The following CCDC50 variants were observed in gnomAD, a reference collection of about 807,000 sequenced individuals.
The protein encoded by CCDC50 is coiled-coil domain-containing protein 50.
CCDC50 carries 54 observed loss-of-function variants against 70.2 expected under a neutral mutation model. The ratio of observed to expected loss-of-function variants is 0.77; its 90% CI spans 0.62 to 0.96. The LOEUF (loss-of-function observed/expected upper bound fraction) is 0.96. Ranked by LOEUF, CCDC50 falls within the 50% of genes least tolerant of loss-of-function variation. The pLI, the probability that CCDC50 is intolerant of heterozygous loss-of-function variation, is 0.00. For synonymous variants in CCDC50, 216 were observed against 198.8 expected (o/e 1.09, Z -0.73); for missense variants, 558 against 578.7 (o/e 0.96, Z 0.37).
intron 6 of CCDC50, among the ~76,000 whole-genome samples, chr3:191,378,542 A>G (rs961590043): frequency 2.1e-5 from 2 of 96,322 alleles, no homozygotes; most frequent in African/African-American, 7.1e-5. Context: ...TTATTGAAGT[A>G]TCATTTTTTC....
chr3:191,367,756 T>C (rs1284145277), intron 4 of CCDC50, among the ~76,000 whole-genome samples: 1 of 152,156 alleles, frequency 6.6e-6, no homozygotes, highest in Non-Finnish European at 1.5e-5. Context: ...GGGGAAATAT[T>C]TGTTTACTGT....
chr3:191,391,711 T>C (rs1440304244), intron 11 of CCDC50, 30 bp from the exon 12 acceptor site: 1 of 1,609,628 alleles, frequency 6.2e-7, no homozygotes. Context: ...TTTTCCTTAA[T>C]TGTGTTTCCT....
intron 9 of CCDC50, among the ~76,000 whole-genome samples, chr3:191,381,764 A>C (rs189631083): frequency 6.6e-6 from 1 of 152,104 alleles, no homozygotes; most frequent in Admixed American, 6.6e-5. Flanking sequence ...GCCCAGAAGA[A>C]TGAAACCTAG....
At chr3:191,360,756 GC>G (rs1412722342) in intron 3 of CCDC50, among the ~76,000 whole-genome samples, 3 of 152,224 alleles carry the variant, frequency 2.0e-5, no homozygotes, top group Admixed American at 6.5e-5. Context: ...CGTCAAACAG[GC>G]CCCAGTGGGG....
At chr3:191,375,686 T>TCC in intron 6 of CCDC50, 97 bp downstream of exon 6, 2 of 1,247,792 alleles carry the variant, frequency 1.6e-6, no homozygotes, top group Non-Finnish European at 2.3e-6. Flanking sequence ...TCTTTCTCTC[T>TCC]AGTTCATGCT....
chr3:191,372,832 G>A (rs1341451346), intron 5 of CCDC50, among the ~76,000 whole-genome samples: 1 of 152,062 alleles, frequency 6.6e-6, no homozygotes, highest in Non-Finnish European at 1.5e-5. Context: ...TCATAGGACT[G>A]TGGTTCAAGT....
rs1057263538 is a variant in CCDC50 at position 191,397,972 on chromosome 3, A to C, written c.*6212A>C. 2 of 152,278 alleles carry C rather than the reference A, an allele frequency of 1.3e-5. No individual in the cohort carries two copies. The highest frequency in any genetic ancestry group is 2.9e-5 in the Non-Finnish European group (2 of 68,092). The allele number at this position is 152,278 out of a possible 1,614,324, so 9.4% of individuals were successfully genotyped here. On this transcript the variant is annotated 3_prime_UTR_variant, in exon 12 of 12. Coordinates refer to ENST00000392455, the MANE Select transcript of CCDC50 (RefSeq NM_178335.3). ...GTGAGGGACATTTTGTGGATGCCTT[A>C]AAGATGACCAGTGGTGGGTTCTGAT... is the stretch of plus-strand genomic sequence containing the variant.
intron 5 of CCDC50, 75 bp downstream of exon 5, chr3:191,370,111 A>G (rs1712847675): frequency 1.9e-6 from 2 of 1,057,668 alleles, no homozygotes; most frequent in East Asian, 2.4e-5. Flanking sequence ...TTGTTCATAA[A>G]GTGACCTTAG....
chr3:191,342,872 A>G (rs1449415366), intron 1 of CCDC50, among the ~76,000 whole-genome samples: 1 of 152,230 alleles, frequency 6.6e-6, no homozygotes, highest in Non-Finnish European at 1.5e-5. Flanking sequence ...CCTGTTGAGG[A>G]TGCCTTATGA....
intron 1 of CCDC50, among the ~76,000 whole-genome samples, chr3:191,348,150 A>G (rs185770027): frequency 1.4e-5 from 2 of 142,450 alleles, no homozygotes; most frequent in Admixed American, 1.4e-4. Flanking sequence ...TGAGTCAGCT[A>G]CATAGGTGAC....
chr3:191,352,531 C>T (rs1712138775), intron 1 of CCDC50, among the ~76,000 whole-genome samples: 1 of 142,186 alleles, frequency 7.0e-6, no homozygotes, highest in African/African-American at 2.5e-5. Flanking sequence ...GTGTAGCAAG[C>T]ATTTCTTAGT....
chr3:191,384,795 T>C lies in CCDC50; in HGVS notation c.1322+1970T>C, dbSNP rs569168512. Among the ~76,000 whole-genome samples the C allele has an allele frequency of 5.3e-5, 8 of 152,274 alleles. No homozygotes were observed. The East Asian group carries it at 1.5e-3, about 29-fold the overall frequency. On this transcript the variant is annotated intron_variant, in intron 10 of 11. Transcript: ENST00000392455. ...CCCAGATAGTGAACAGAGTACCCAG[T>C]AGGAAGTTTCTCAGCCCTTGCCTCC...
At chr3:191,363,840 A>G (rs988239574) in intron 4 of CCDC50, among the ~76,000 whole-genome samples, 1 of 152,224 alleles carries the variant, frequency 6.6e-6, no homozygotes, top group Non-Finnish European at 1.5e-5. Context: ...CTACTGTGCC[A>G]AGGTAGAAAA....
At chr3:191,368,942 T>G (rs933921444) in intron 4 of CCDC50, among the ~76,000 whole-genome samples, 43 of 152,128 alleles carry the variant, frequency 2.8e-4, no homozygotes, top group African/African-American at 9.9e-4. Context: ...CTCAAAACCT[T>G]TAGTAATCCT....
At chr3:191,342,027 A>G (rs758546235) in intron 1 of CCDC50, among the ~76,000 whole-genome samples, 5 of 152,212 alleles carry the variant, frequency 3.3e-5, no homozygotes, top group Non-Finnish European at 5.9e-5. Context: ...CTAGGAATGT[A>G]CCCATGATCT....
intron 10 of CCDC50, among the ~76,000 whole-genome samples, chr3:191,385,493 A>G (rs1473781786): frequency 6.6e-6 from 1 of 152,050 alleles, no homozygotes; most frequent in East Asian, 1.9e-4. Context: ...TCACTTTTTA[A>G]TAGGGTTGTT....
intron 1 of CCDC50, among the ~76,000 whole-genome samples, chr3:191,339,783 C>T (rs1466686934): frequency 6.6e-6 from 1 of 152,194 alleles, no homozygotes; most frequent in Admixed American, 6.5e-5. Context: ...TACTCTGATA[C>T]TGAAGACTCT....
In CCDC50 at chr3:191,375,077, G is replaced by A. The variant is rs866014674; in HGVS notation, c.464G>A (p.Arg155Lys). The A allele has an allele frequency of 6.2e-7, 1 of 1,613,442 alleles. No individual in the cohort carries two copies. The highest frequency in any genetic ancestry group is 1.3e-5 in the African/African-American group (1 of 75,016). ...YYEDGDQPGSRRARELGSGFS... is the reference protein window; with the variant it reads ...YYEDGDQPGSKRARELGSGFS... ...CTCCACTCAGACCAACCAGGGTCAA[G>A]GAGGGCCAGGGAATTGGGTTCTGGA... The change falls in exon 6 of 12, where the codon AGG becomes AAG. Residue 155 changes from arginine (R) to lysine (K), a missense_variant. By Grantham distance (26) the Arg-to-Lys change is conservative (BLOSUM62 2). Coordinates refer to ENST00000392455, the MANE Select transcript of CCDC50 (RefSeq NM_178335.3).
chr3:191,376,606 G>A (rs1025954191), intron 6 of CCDC50, among the ~76,000 whole-genome samples: 3 of 152,186 alleles, frequency 2.0e-5, no homozygotes, highest in East Asian at 1.9e-4. Context: ...CTTATTGAAG[G>A]ACTTGGTTAT....
Sources: gnomAD v4.1 joint callset for allele counts (sites outside exome capture counted in the v4.1 genomes callset) on GRCh38, gnomAD v4.1.1 for gene constraint, MANE v1.5 for transcripts, NCBI Gene and HGNC (gene_info 2026-07-23, HGNC 2026-07-21) for gene names.